GMDS: variants seen among roughly 807,000 people sequenced by gnomAD.
The protein encoded by GMDS is GDP-mannose 4,6 dehydratase.
In GMDS, 20 loss-of-function variants were observed where a neutral mutation model predicts 49.9. The ratio of observed to expected loss-of-function variants is 0.40; its 90% confidence interval spans 0.28 to 0.58. The LOEUF (loss-of-function observed/expected upper bound fraction) is 0.58, where lower values mean the gene tolerates loss of function less well. GMDS is among the 20% of genes least tolerant of loss of function. The probability of loss-of-function intolerance (pLI) is 0.42; values close to 1 mark genes in which losing one functional copy is unlikely to be tolerated. For missense variants in GMDS, 362 were observed against 481.4 expected, an observed-to-expected ratio of 0.75 and a Z score of 2.32; for synonymous variants, 177 against 178.6, an observed-to-expected ratio of 0.99 and a Z score of 0.07.
intron 7 of GMDS, among the ~76,000 whole-genome samples, chr6:1,872,369 T>G (rs552071152): frequency 6.6e-6 from 1 of 152,246 alleles, no homozygotes; most frequent in East Asian, 1.9e-4. Context: ...CTGATGTATG[T>G]GCCCAATAGC....
intron 1 of GMDS, among the ~76,000 whole-genome samples, chr6:2,195,537 C>T (rs1323802188): frequency 6.6e-6 from 1 of 152,102 alleles, no homozygotes; most frequent in Non-Finnish European, 1.5e-5. Context: ...TGGAAAGCTA[C>T]AAAGCAACTT....
At chr6:1,730,141 G>C (rs1051718929) in intron 8 of GMDS, among the ~76,000 whole-genome samples, 5 of 152,248 alleles carry the variant, frequency 3.3e-5, no homozygotes, top group African/African-American at 1.2e-4. Flanking sequence ...TTAGGGTATG[G>C]AAGTAGGAAG....
chr6:2,070,622 A>G (rs1024979808), intron 4 of GMDS, among the ~76,000 whole-genome samples: 1 of 152,170 alleles, frequency 6.6e-6, no homozygotes, highest in Non-Finnish European at 1.5e-5. Context: ...TAAGACCACC[A>G]TATAGCAAAA....
chr6:1,683,187 A>G (rs1199426321), intron 9 of GMDS, among the ~76,000 whole-genome samples: 10 of 152,048 alleles, frequency 6.6e-5, no homozygotes, highest in African/African-American at 1.9e-4. Flanking sequence ...GCAGTGGTGC[A>G]ATCTCGGCTC....
intron 1 of GMDS, among the ~76,000 whole-genome samples, chr6:2,164,398 G>A (rs775949672): frequency 1.2e-4 from 18 of 152,280 alleles, no homozygotes; most frequent in East Asian, 3.9e-4. Context: ...AAACAGAGCC[G>A]TGGTAAAGGT....
intron 1 of GMDS, among the ~76,000 whole-genome samples, chr6:2,166,063 C>T (rs147694679): frequency 3.0e-4 from 45 of 152,052 alleles, no homozygotes; most frequent in African/African-American, 1.0e-3. Context: ...ACAGACTGGG[C>T]GACCCAACAA....
At chr6:2,032,941 C>A (rs555554910) in intron 4 of GMDS, among the ~76,000 whole-genome samples, 18 of 152,164 alleles carry the variant, frequency 1.2e-4, no homozygotes, top group Non-Finnish European at 2.5e-4. Context: ...CAATCTGGAA[C>A]TTCTCAAATT....
chr6:1,947,186 C>A (rs775847243), intron 6 of GMDS, among the ~76,000 whole-genome samples: 48 of 152,138 alleles, frequency 3.2e-4, no homozygotes, highest in South Asian at 2.1e-4. Context: ...GTCCAGCACT[C>A]CCAATTAAAT....
At chr6:2,224,999 C>T (rs183351659) in intron 1 of GMDS, among the ~76,000 whole-genome samples, 40 of 152,200 alleles carry the variant, frequency 2.6e-4, no homozygotes, top group Admixed American at 2.0e-3. Flanking sequence ...CGTACGTCCA[C>T]ACGATGTCAG....
In GMDS at chr6:2,044,693, C is replaced by G. The variant is rs192393814; in HGVS notation, c.345+71078G>C. ...AGTTCACCCATATAACAAACCTGCA[C>G]GTGTACCCCTGAACTTTTAAAAGTT... is the stretch of plus-strand genomic sequence containing the variant. On this transcript the variant is annotated intron_variant, in intron 4 of 10. Transcript: ENST00000380815. Among the ~76,000 whole-genome samples the G allele has an allele frequency of 4.1e-4, 62 of 152,108 alleles. No individual in the cohort carries two copies. The East Asian group carries it at 0.01, about 26-fold the overall frequency.
intron 7 of GMDS, among the ~76,000 whole-genome samples, chr6:1,762,234 G>A (rs576531263): frequency 6.6e-6 from 1 of 152,306 alleles, no homozygotes; most frequent in South Asian, 2.1e-4. Context: ...CCATAACCAG[G>A]TATCGGATGT....
At chr6:2,190,915 C>G (rs1195315753) in intron 1 of GMDS, among the ~76,000 whole-genome samples, 1 of 152,086 alleles carries the variant, frequency 6.6e-6, no homozygotes, top group Non-Finnish European at 1.5e-5. Flanking sequence ...CTCATGTGGC[C>G]AGGCAGGACC....
chr6:2,041,432 T>C (rs1769671819), intron 4 of GMDS, among the ~76,000 whole-genome samples: 1 of 152,252 alleles, frequency 6.6e-6, no homozygotes, highest in African/African-American at 2.4e-5. Context: ...TCTCAGACCA[T>C]TTAATTAAAC....
At chr6:2,146,130 CAA>C (rs1776548006) in intron 1 of GMDS, among the ~76,000 whole-genome samples, 9 of 152,174 alleles carry the variant, frequency 5.9e-5, no homozygotes, top group Admixed American at 5.9e-4. Flanking sequence ...GCAGATTAGC[CAA>C]AGTTTGATAA....
chr6:1,976,648 A>ATTATT (rs3047536), intron 4 of GMDS, among the ~76,000 whole-genome samples: 11 of 122,118 alleles, frequency 9.0e-5, no homozygotes, highest in African/African-American at 3.1e-4. Context: ...AGCAACAGAT[A>ATTATT]CTATAAGAGG....
chr6:1,689,839 T>C (rs1765112551), intron 9 of GMDS, among the ~76,000 whole-genome samples: 1 of 152,228 alleles, frequency 6.6e-6, no homozygotes. Flanking sequence ...AAGAGGAGCA[T>C]ACCTGGATTA....
intron 9 of GMDS, chr6:1,625,405 A>T (rs1762823025): frequency 6.6e-6 from 1 of 152,278 alleles, no homozygotes. Context: ...GCGGAGCTGC[A>T]GCCAGCAGCT....
intron 7 of GMDS, among the ~76,000 whole-genome samples, chr6:1,856,836 C>A (rs1321582950): frequency 6.6e-6 from 1 of 152,204 alleles, no homozygotes; most frequent in Non-Finnish European, 1.5e-5. Flanking sequence ...TGAACAGAAT[C>A]CTTCCTTATG....
At chr6:1,904,674 G>A (rs979640116) in intron 7 of GMDS, among the ~76,000 whole-genome samples, 4 of 152,188 alleles carry the variant, frequency 2.6e-5, no homozygotes, top group African/African-American at 9.6e-5. Context: ...CCAGCAATGC[G>A]CAGTACCTTC....
Sources: gnomAD v4.1 joint callset for allele counts (sites outside exome capture counted in the v4.1 genomes callset) on GRCh38, gnomAD v4.1.1 for gene constraint, MANE v1.5 for transcripts, NCBI Gene and HGNC (gene_info 2026-07-23, HGNC 2026-07-21) for gene names.